The following IGF1R variants were observed in gnomAD, a reference collection of about 807,000 sequenced individuals.
IGF1R encodes the protein insulin-like growth factor 1 receptor.
Under a neutral mutation model 144.6 loss-of-function variants are expected in IGF1R, and 44 were observed. The observed-to-expected ratio is 0.30, with a 90% CI of 0.24 to 0.39. The LOEUF (loss-of-function observed/expected upper bound fraction) is 0.39. Ranked by LOEUF, IGF1R falls within the 10% of genes least tolerant of loss-of-function variation. IGF1R has a pLI of 1.00. For missense variants in IGF1R, 1,355 were observed against 1,833.7 expected (o/e 0.74, Z 4.77); for synonymous variants, 795 against 722.8 (o/e 1.10, Z -1.60).
chr15:98,833,023 T>G (rs2057030051), intron 2 of IGF1R, among the ~76,000 whole-genome samples: 1 of 152,212 alleles, frequency 6.6e-6, no homozygotes, highest in African/African-American at 2.4e-5. Context: ...TAGCCATTCC[T>G]AGGAAAAAGT....
intron 3 of IGF1R, among the ~76,000 whole-genome samples, chr15:98,894,641 C>T (rs1385075003): frequency 2.0e-5 from 3 of 152,206 alleles, no homozygotes; most frequent in South Asian, 2.1e-4. Flanking sequence ...CGGCGGCTCA[C>T]GCCTGTGATC....
chr15:98,948,485 C>A, intron 19 of IGF1R, 89 bp from the exon 20 acceptor site: 1 of 1,391,280 alleles, frequency 7.2e-7, no homozygotes, highest in Non-Finnish European at 1.0e-6. Flanking sequence ...AGTTTATCTG[C>A]TCGGGATGTA....
intron 2 of IGF1R, among the ~76,000 whole-genome samples, chr15:98,834,146 A>C (rs1367826458): frequency 6.6e-6 from 1 of 152,222 alleles, no homozygotes; most frequent in African/African-American, 2.4e-5. Context: ...CTGATGTTGA[A>C]GTTACAAGTT....
At chr15:98,858,925 A>G (rs1427748409) in intron 2 of IGF1R, among the ~76,000 whole-genome samples, 1 of 152,228 alleles carries the variant, frequency 6.6e-6, no homozygotes, top group Non-Finnish European at 1.5e-5. Flanking sequence ...GAGGAAGGCC[A>G]GTAAGCCTCC....
At chr15:98,805,819 T>TG (rs768938554) in intron 2 of IGF1R, among the ~76,000 whole-genome samples, 5 of 152,160 alleles carry the variant, frequency 3.3e-5, no homozygotes, top group South Asian at 4.1e-4. Context: ...TGACGCCAAA[T>TG]GTGTGGGGTT....
chr15:98,928,974 C>G lies in IGF1R; in HGVS notation c.2783-584C>G, dbSNP rs192028916. Among the ~76,000 whole-genome samples the G allele has an allele frequency of 1.6e-3, 237 of 152,252 alleles. 1 individual carries two copies. The highest frequency in any genetic ancestry group is 5.4e-3 in the African/African-American group (224 of 41,538). ...ATCTCAAAGATTGAGGCCAGCAGGA[C>G]TTGACCTATACATAGATGTAGACTG... On this transcript the variant is annotated intron_variant, in intron 13 of 20. Transcript: ENST00000650285.
intron 1 of IGF1R, among the ~76,000 whole-genome samples, chr15:98,706,604 AC>A (rs763763118): frequency 1.5e-4 from 23 of 151,578 alleles, no homozygotes; most frequent in Non-Finnish European, 2.9e-5. Flanking sequence ...AAAAAAAACA[AC>A]CCTCATGGTG....
Position 98,874,639 on chromosome 15 carries a change from A to G in IGF1R, c.641-16686A>G, listed in dbSNP as rs76015466. On this transcript the variant is annotated intron_variant, in intron 2 of 20. Transcript: ENST00000650285. ...TCATAGCTTTGGTTCTCTGGTCTTC[A>G]CTTTATCTGCCAAGTGAAGACATTT... Among the ~76,000 whole-genome samples the G allele has an allele frequency of 2.7e-3, 412 of 152,252 alleles. 2 individuals are homozygous for G. Among genetic ancestry groups the G allele is most frequent in the African/African-American group, 9.5e-3 (394 of 41,526 alleles).
At chr15:98,781,179 C>T (rs1192932546) in intron 2 of IGF1R, among the ~76,000 whole-genome samples, 3 of 152,256 alleles carry the variant, frequency 2.0e-5, no homozygotes, top group African/African-American at 7.2e-5. Context: ...AGGTGAGAAA[C>T]TGGAATATTA....
chr15:98,715,114 A>T (rs2054083332), intron 2 of IGF1R, among the ~76,000 whole-genome samples: 1 of 152,216 alleles, frequency 6.6e-6, no homozygotes, highest in Non-Finnish European at 1.5e-5. Flanking sequence ...GAAGGGGGTC[A>T]CATGCCCCCA....
intron 5 of IGF1R, among the ~76,000 whole-genome samples, chr15:98,904,271 C>G (rs2014624991): frequency 6.6e-6 from 1 of 152,062 alleles, no homozygotes; most frequent in African/African-American, 2.4e-5. Context: ...CCAGTATGGT[C>G]TCGATCATCT....
At chr15:98,716,667 G>A (rs2054125349) in intron 2 of IGF1R, among the ~76,000 whole-genome samples, 1 of 152,200 alleles carries the variant, frequency 6.6e-6, no homozygotes, top group African/African-American at 2.4e-5. Flanking sequence ...CATTGCGGGA[G>A]TAGGCAGAAG....
chr15:98,793,091 G>C (rs2056162871), intron 2 of IGF1R, among the ~76,000 whole-genome samples: 1 of 152,184 alleles, frequency 6.6e-6, no homozygotes, highest in Non-Finnish European at 1.5e-5. Context: ...GCCACTGTTA[G>C]ATATTACTAA....
chr15:98,723,067 G>A (rs1389461074), intron 2 of IGF1R, among the ~76,000 whole-genome samples: 2 of 151,770 alleles, frequency 1.3e-5, no homozygotes, highest in South Asian at 2.1e-4. Flanking sequence ...GCTGTAACCC[G>A]TGGCCACCGA....
Position 98,942,936 on chromosome 15 carries a change from G to T in IGF1R, c.3471G>T (p.Thr1157=), listed in dbSNP as rs28664854. ...FTVKIGDFGM[T]RDIYETDYYR... is the part of the protein sequence containing the mutation. Reference sequence around the variant, plus strand: ...CTTCCCTTACAGATTTTGGTATGACGCGAGATATCTATGAGACAGACTATT... The same window carrying T: ...CTTCCCTTACAGATTTTGGTATGACTCGAGATATCTATGAGACAGACTATT... The change falls in exon 19 of 21, where the codon ACG becomes ACT. Residue 1157 remains threonine (T), a synonymous_variant. Coordinates refer to ENST00000650285, the MANE Select transcript of IGF1R (RefSeq NM_000875.5). 1.2e-6 allele frequency: 2 copies of T among 1,614,048 alleles called. No individual in the cohort carries two copies. Among genetic ancestry groups the T allele is most frequent in the Non-Finnish European group, 1.7e-6 (2 of 1,180,036 alleles).
At chr15:98,830,603 A>ACCTTTTTTTTTTTTTTTTTTTTTT (rs949484748) in intron 2 of IGF1R, among the ~76,000 whole-genome samples, 3 of 133,722 alleles carry the variant, frequency 2.2e-5, no homozygotes, top group African/African-American at 9.9e-5. Context: ...TCTGATCATC[A>ACCTTTTTTTTTTTTTTTTTTTTTT]TCTTTTTTTT....
chr15:98,834,701 G>A (rs2057062121), intron 2 of IGF1R, among the ~76,000 whole-genome samples: 1 of 152,156 alleles, frequency 6.6e-6, no homozygotes, highest in African/African-American at 2.4e-5. Flanking sequence ...CAAGCGAAGT[G>A]GTCCTGGATG....
At chr15:98,866,409 G>T (rs1365362038) in intron 2 of IGF1R, among the ~76,000 whole-genome samples, 2 of 152,232 alleles carry the variant, frequency 1.3e-5, no homozygotes, top group African/African-American at 4.8e-5. Flanking sequence ...AAAGCAAGGA[G>T]TATATTAATG....
intron 2 of IGF1R, among the ~76,000 whole-genome samples, chr15:98,730,440 T>G (rs540174798): frequency 6.6e-6 from 1 of 152,324 alleles, no homozygotes; most frequent in South Asian, 2.1e-4. Context: ...GAACTACCAA[T>G]GGGTAGCAGC....
Sources: allele counts gnomAD v4.1 joint callset (sites outside exome capture counted in the v4.1 genomes callset), GRCh38; gene constraint gnomAD v4.1.1; transcripts MANE v1.5; gene names NCBI Gene and HGNC (gene_info 2026-07-23, HGNC 2026-07-21).